The following C1GALT1 variants were observed in gnomAD, a reference collection of about 807,000 sequenced individuals.
The protein encoded by C1GALT1 is core 1 synthase, glycoprotein-N-acetylgalactosamine 3-beta-galactosyltransferase 1.
Under a neutral mutation model 31.0 loss-of-function variants are expected in C1GALT1, and 11 were observed. The observed-to-expected ratio is 0.36, with a 90% confidence interval of 0.22 to 0.59. C1GALT1 has a LOEUF of 0.59. Ranked by LOEUF, C1GALT1 falls within the 20% of genes least tolerant of loss-of-function variation. C1GALT1 has a pLI of 0.79. For missense variants in C1GALT1, 424 were observed against 425.2 expected, an observed-to-expected ratio of 1.00 and a Z score of 0.03; for synonymous variants, 175 against 143.6, an observed-to-expected ratio of 1.22 and a Z score of -1.56.
At chr7:7,217,772 G>A (rs1331688570) in intron 1 of C1GALT1, among the ~76,000 whole-genome samples, 2 of 152,122 alleles carry the variant, frequency 1.3e-5, no homozygotes, top group African/African-American at 2.4e-5. Context: ...CTGAGCTCAC[G>A]TGATACTCCC....
intron 2 of C1GALT1, among the ~76,000 whole-genome samples, chr7:7,175,809 T>C (rs985014381): frequency 5.9e-5 from 9 of 151,648 alleles, no homozygotes; most frequent in African/African-American, 1.9e-4. Context: ...GCTGAGGGCT[T>C]TTTTTTTTCT....
At chr7:7,214,793 A>G (rs1782157986) in intron 1 of C1GALT1, among the ~76,000 whole-genome samples, 1 of 152,226 alleles carries the variant, frequency 6.6e-6, no homozygotes, top group Admixed American at 6.5e-5. Flanking sequence ...TCCAGTCGAA[A>G]ACAAAGATGA....
At chr7:7,197,321 T>C (rs1238374958) in intron 1 of C1GALT1, among the ~76,000 whole-genome samples, 1 of 152,228 alleles carries the variant, frequency 6.6e-6, no homozygotes, top group African/African-American at 2.4e-5. Context: ...TTGCTTGTTT[T>C]TGTCGGGTTT....
In C1GALT1 at chr7:7,243,821, G is replaced by T; in HGVS notation, c.*94G>T. The T allele has an allele frequency of 1.1e-6, 1 of 886,464 alleles. No homozygotes were observed. 54.9% of individuals were successfully genotyped at this position (886,464 alleles called of 1,614,324 possible). A position where few individuals can be genotyped will look rare whatever the true frequency, so the allele number is the denominator to read the frequency against. ...ACATAGAACACTGGAATCCCAGTGA[G>T]GAATTCTAAGTGAACATTCCTTATA... On this transcript the variant is annotated 3_prime_UTR_variant, in exon 4 of 4. Coordinates refer to ENST00000436587, the MANE Select transcript of C1GALT1 (RefSeq NM_020156.5).
chr7:7,181,253 A>ATATTGCGGAAAGGTGGAAGGG (rs1161392784), upstream of C1GALT1, among the ~76,000 whole-genome samples: 6 of 150,732 alleles, frequency 4.0e-5, no homozygotes, highest in African/African-American at 1.5e-4. Flanking sequence ...AGGTGGAAGG[A>ATATTGCGGAAAGGTGGAAGGG]TATTGCGGAA....
intron 1 of C1GALT1, among the ~76,000 whole-genome samples, chr7:7,209,721 G>T (rs1361357990): frequency 6.6e-6 from 1 of 152,192 alleles, no homozygotes; most frequent in Admixed American, 6.5e-5. Flanking sequence ...CTTGGGTATT[G>T]TAGAACCTTT....
chr7:7,214,273 G>A (rs1219733437), intron 1 of C1GALT1, among the ~76,000 whole-genome samples: 2 of 152,058 alleles, frequency 1.3e-5, no homozygotes, highest in Non-Finnish European at 2.9e-5. Context: ...CCAAAACAGG[G>A]TCTGTGGCAT....
chr7:7,234,286 A>G lies in C1GALT1; in HGVS notation c.-17-17A>G. 4 of 1,573,386 alleles carry G rather than the reference A, an allele frequency of 2.5e-6. No individual in the cohort carries two copies. Among genetic ancestry groups the G allele is most frequent in the Non-Finnish European group, 3.5e-6 (4 of 1,146,164 alleles). On this transcript the variant is annotated splice_polypyrimidine_tract_variant and intron_variant, in intron 1 of 3. Coordinates refer to ENST00000436587, the MANE Select transcript of C1GALT1 (RefSeq NM_020156.5). ...AGCTTTGATTTTATAACATCCTGCT[A>G]ATTTTTGTTCTTACAGAAATACACT...
chr7:7,238,966 T>C lies in C1GALT1; in HGVS notation c.888+44T>C, dbSNP rs1783496997. ...TTACTATGTCAATACTTGGACTGAC[T>C]GAATTTTGTTGATAAAAACATGTTA... is the stretch of plus-strand genomic sequence containing the variant. On this transcript the variant is annotated intron_variant, in intron 3 of 3. Transcript: ENST00000436587. The surrounding 1 kb of genome is among the most constrained non-coding windows in gnomAD (Gnocchi z 5.2). The C allele has an allele frequency of 6.9e-7, 1 of 1,446,328 alleles. No individual in the cohort carries two copies. Among genetic ancestry groups the C allele is most frequent in the African/African-American group, 1.4e-5 (1 of 70,010 alleles). 89.6% of individuals were successfully genotyped at this position (1,446,328 alleles called of 1,614,324 possible). A position where few individuals can be genotyped will look rare whatever the true frequency, so the allele number is the denominator to read the frequency against.
intron 1 of C1GALT1, among the ~76,000 whole-genome samples, chr7:7,222,121 C>T (rs964186353): frequency 6.6e-6 from 1 of 152,162 alleles, no homozygotes; most frequent in Non-Finnish European, 1.5e-5. Flanking sequence ...GACACAAGCA[C>T]CTCATCTTAG....
chr7:7,188,009 C>T (rs571960577), intron 1 of C1GALT1, among the ~76,000 whole-genome samples: 2 of 151,850 alleles, frequency 1.3e-5, no homozygotes, highest in African/African-American at 4.8e-5. Flanking sequence ...ATTCTGGTGA[C>T]GGGGTATGAG....
chr7:7,177,503 T>A (rs573707509), intron 2 of C1GALT1, among the ~76,000 whole-genome samples: 2 of 152,306 alleles, frequency 1.3e-5, no homozygotes, highest in African/African-American at 4.8e-5. Flanking sequence ...GAGGAGCAGA[T>A]ATACTCAGCC....
chr7:7,165,157 A>C (rs1187318191), intron 2 of C1GALT1, among the ~76,000 whole-genome samples: 2 of 152,154 alleles, frequency 1.3e-5, no homozygotes, highest in East Asian at 3.9e-4. Context: ...CAGGAAGAGA[A>C]GATGGCCAGA....
intron 1 of C1GALT1, among the ~76,000 whole-genome samples, chr7:7,208,442 T>C (rs1448168233): frequency 6.6e-6 from 1 of 152,174 alleles, no homozygotes; most frequent in South Asian, 2.1e-4. Context: ...TGGGAACATA[T>C]TCCCTGTGGA....
rs1322941864 is a variant in C1GALT1 at position 7,182,891 on chromosome 7, G to T, written c.-18+71G>T. On this transcript the variant is annotated intron_variant, in intron 1 of 3. Transcript: ENST00000436587. Reference sequence around the variant, plus strand: ...TCTCCCCTCGCCCTCCCCCCTCTCCGGGTTGGTGGGGAAGCGTGGAGGATG... The same window carrying T: ...TCTCCCCTCGCCCTCCCCCCTCTCCTGGTTGGTGGGGAAGCGTGGAGGATG... The T allele has an allele frequency of 5.2e-6, 5 of 966,090 alleles. No homozygotes were observed. In the African/African-American group the frequency reaches 8.8e-5, roughly 17 times the overall value. The allele number at this position is 966,090 out of a possible 1,614,324, so 59.8% of individuals were successfully genotyped here.
At chr7:7,185,989 G>A (rs560408516) in intron 1 of C1GALT1, among the ~76,000 whole-genome samples, 144 of 152,244 alleles carry the variant, frequency 9.5e-4, no homozygotes, top group Non-Finnish European at 1.3e-3. Flanking sequence ...AATCTATAAA[G>A]AAAAGAAATT....
At chr7:7,164,523 G>T (rs1012487109) in intron 2 of C1GALT1, among the ~76,000 whole-genome samples, 2 of 152,164 alleles carry the variant, frequency 1.3e-5, no homozygotes, top group African/African-American at 4.8e-5. Context: ...AGATCAGCAT[G>T]TAGAAAGTTT....
chr7:7,225,351 G>A (rs1378495493), intron 1 of C1GALT1, among the ~76,000 whole-genome samples: 1 of 152,142 alleles, frequency 6.6e-6, no homozygotes, highest in Non-Finnish European at 1.5e-5. Context: ...AGGAAAGCAG[G>A]GAAAGGTACT....
chr7:7,206,155 T>A (rs1199204323), intron 1 of C1GALT1, among the ~76,000 whole-genome samples: 1 of 152,246 alleles, frequency 6.6e-6, no homozygotes, highest in Admixed American at 6.5e-5. Context: ...CAGAATTATA[T>A]CTTTATACAT....
Sources: allele counts gnomAD v4.1 joint callset (sites outside exome capture counted in the v4.1 genomes callset), GRCh38; gene constraint gnomAD v4.1.1; non-coding constraint Gnocchi (gnomAD v3.1); transcripts MANE v1.5; gene names NCBI Gene and HGNC (gene_info 2026-07-23, HGNC 2026-07-21).